The following YWHAB variants were observed in gnomAD, a reference collection of about 807,000 sequenced individuals.
YWHAB encodes the protein tyrosine 3-monooxygenase/tryptophan 5-monooxygenase activation protein beta.
Under a neutral mutation model 28.5 loss-of-function variants are expected in YWHAB, and 2 were observed. That is an observed-to-expected ratio of 0.07 (90% confidence interval 0.03 to 0.22). The LOEUF (loss-of-function observed/expected upper bound fraction) is 0.22. YWHAB is among the 10% of genes least tolerant of loss of function. The pLI is 1.00. For synonymous variants in YWHAB, 103 were observed against 104.7 expected, an observed-to-expected ratio of 0.98 and a Z score of 0.10; for missense variants, 148 against 297.1, an observed-to-expected ratio of 0.50 and a Z score of 3.69.
At chr20:44,892,907 A>C (rs2066571383) in intron 1 of YWHAB, among the ~76,000 whole-genome samples, 1 of 152,328 alleles carries the variant, frequency 6.6e-6, no homozygotes, top group South Asian at 2.1e-4. Context: ...ATAATAATGG[A>C]GTCTTCATCT....
At position 44,905,142 on chromosome 20, in the gene YWHAB, C is replaced by T; in HGVS notation, c.588+11C>T. The T allele has an allele frequency of 1.9e-6, 3 of 1,599,416 alleles. No homozygotes were observed. The highest frequency in any genetic ancestry group is 2.6e-6 in the Non-Finnish European group (3 of 1,174,464). Reference sequence around the variant, plus strand: ...AGCCTGGCAAAAACGGTGAGAAAGACCCTTTGTGATATCTAACCATAGCAA... The same window carrying T: ...AGCCTGGCAAAAACGGTGAGAAAGATCCTTTGTGATATCTAACCATAGCAA... On this transcript the variant is annotated intron_variant, in intron 4 of 5. Coordinates refer to ENST00000353703, the MANE Select transcript of YWHAB (RefSeq NM_139323.4).
At chr20:44,906,132 C>G (rs368087121) in intron 5 of YWHAB, 36 bp downstream of exon 5, 41 of 1,469,702 alleles carry the variant, frequency 2.8e-5, no homozygotes, top group Non-Finnish European at 3.7e-5. Context: ...TAGTCTCTTT[C>G]CTATTCACCT....
At chr20:44,896,178 G>A (rs957763763) in intron 1 of YWHAB, among the ~76,000 whole-genome samples, 1 of 152,160 alleles carries the variant, frequency 6.6e-6, no homozygotes, top group Admixed American at 6.6e-5. Context: ...AATTTTTCTG[G>A]TAGCTGCATT....
chr20:44,897,218 G>C (rs1263959096), intron 1 of YWHAB, among the ~76,000 whole-genome samples: 1 of 152,200 alleles, frequency 6.6e-6, no homozygotes, highest in Non-Finnish European at 1.5e-5. Context: ...TTGGGGCCTA[G>C]TAGAGCTGAA....
chr20:44,896,171 T>G (rs956432792), intron 1 of YWHAB, among the ~76,000 whole-genome samples: 2 of 152,230 alleles, frequency 1.3e-5, no homozygotes, highest in African/African-American at 4.8e-5. Context: ...TAATTTAAAT[T>G]TTTCTGGTAG....
intron 3 of YWHAB, among the ~76,000 whole-genome samples, chr20:44,904,662 A>G (rs2066646445): frequency 6.6e-6 from 1 of 152,162 alleles, no homozygotes; most frequent in Non-Finnish European, 1.5e-5. Context: ...TATCGACTCT[A>G]AAGCCTGTGA....
chr20:44,900,605 A>C (rs2066620649), intron 1 of YWHAB, among the ~76,000 whole-genome samples: 1 of 152,182 alleles, frequency 6.6e-6, no homozygotes, highest in Non-Finnish European at 1.5e-5. Flanking sequence ...GGTTGAAACA[A>C]ACATCATACT....
intron 3 of YWHAB, 99 bp from the exon 4 acceptor site, chr20:44,904,869 C>A: frequency 8.1e-7 from 1 of 1,237,592 alleles, no homozygotes; most frequent in Non-Finnish European, 1.1e-6. Context: ...GTCATTGCTC[C>A]TGCCCAGTTT....
chr20:44,891,257 C>T (rs2066560078), intron 1 of YWHAB, among the ~76,000 whole-genome samples: 1 of 152,168 alleles, frequency 6.6e-6, no homozygotes, highest in African/African-American at 2.4e-5. Context: ...GCGCCTGCCA[C>T]TATACCCGGC....
chr20:44,889,320 T>C (rs530364122), intron 1 of YWHAB, among the ~76,000 whole-genome samples: 1 of 152,334 alleles, frequency 6.6e-6, no homozygotes, highest in South Asian at 2.1e-4. Flanking sequence ...TCATGATATG[T>C]GTGCTGAAGG....
chr20:44,902,931 A>T (rs1183007344), intron 2 of YWHAB: 3 of 438,376 alleles, frequency 6.8e-6, no homozygotes, highest in Non-Finnish European at 9.1e-6. Flanking sequence ...TATGTCATGC[A>T]TTCCAAGGGC....
At chr20:44,902,021 G>A in intron 2 of YWHAB, 188 bp downstream of exon 2, 4 of 541,760 alleles carry the variant, frequency 7.4e-6, no homozygotes, top group Non-Finnish European at 1.2e-5. Flanking sequence ...ATCAGAGGTT[G>A]TACATCACTT....
chr20:44,897,252 A>T (rs1454087382), intron 1 of YWHAB, among the ~76,000 whole-genome samples: 1 of 152,208 alleles, frequency 6.6e-6, no homozygotes. Context: ...TTATTTAGCA[A>T]CGGCAATCCT....
intron 1 of YWHAB, among the ~76,000 whole-genome samples, chr20:44,892,711 A>G (rs2066569989): frequency 6.6e-6 from 1 of 152,186 alleles, no homozygotes; most frequent in Non-Finnish European, 1.5e-5. Flanking sequence ...TATGTTCATT[A>G]TCTTATTTGA....
At chr20:44,898,279 GAC>G (rs760660394) in intron 1 of YWHAB, among the ~76,000 whole-genome samples, 1 of 152,152 alleles carries the variant, frequency 6.6e-6, no homozygotes, top group Non-Finnish European at 1.5e-5. Context: ...CCTTATATAA[GAC>G]ACAGCTCTGC....
chr20:44,899,846 G>A (rs1187998776), intron 1 of YWHAB, among the ~76,000 whole-genome samples: 4 of 152,160 alleles, frequency 2.6e-5, no homozygotes, highest in Admixed American at 2.0e-4. Context: ...AATGAACTCA[G>A]TTATGGTTCA....
At chr20:44,903,756 T>TA (rs1404747041) in intron 2 of YWHAB, 5 of 385,884 alleles carry the variant, frequency 1.3e-5, no homozygotes, top group Non-Finnish European at 2.3e-5. Context: ...AACATTTCAT[T>TA]ATATGGCTAT....
rs58754462 is a variant in YWHAB at position 44,908,156 on chromosome 20, CAAAA to C, written c.*1724_*1727del. On this transcript the variant is annotated 3_prime_UTR_variant, in exon 6 of 6. Coordinates refer to ENST00000353703, the MANE Select transcript of YWHAB (RefSeq NM_139323.4). ...ATTTATGCACTGATTTAAAACAAACCAAAAAAAAAGAAAAAAACAAAAAAAAAAA... is the reference window on the plus strand; with the variant it reads ...ATTTATGCACTGATTTAAAACAAACCAAAAAGAAAAAAACAAAAAAAAAAA... 1 of 145,024 alleles carries C rather than the reference CAAAA, an allele frequency of 6.9e-6. No individual in the cohort carries two copies. Among genetic ancestry groups the C allele is most frequent in the South Asian group, 2.2e-4 (1 of 4,606 alleles). 9.0% of individuals were successfully genotyped at this position (145,024 alleles called of 1,614,324 possible).
At chr20:44,903,173 T>A in intron 2 of YWHAB, 1 of 857,920 alleles carries the variant, frequency 1.2e-6, no homozygotes, top group Non-Finnish European at 1.4e-6. Flanking sequence ...AGCTACTCTT[T>A]GAGTGCTTAC....
Sources: allele counts gnomAD v4.1 joint callset (sites outside exome capture counted in the v4.1 genomes callset), GRCh38; gene constraint gnomAD v4.1.1; transcripts MANE v1.5; gene names NCBI Gene and HGNC (gene_info 2026-07-23, HGNC 2026-07-21).